PLEKHM2: variants seen among roughly 807,000 people sequenced by gnomAD.
The protein encoded by PLEKHM2 is pleckstrin homology domain-containing family M member 2.
Under a neutral mutation model 116.3 loss-of-function variants are expected in PLEKHM2, and 77 were observed. The observed-to-expected ratio is 0.66, with a 90% CI of 0.55 to 0.80. The LOEUF is 0.80. PLEKHM2 is among the 30% of genes least tolerant of loss of function. The pLI, the probability that PLEKHM2 is intolerant of heterozygous loss-of-function variation, is 0.00. For missense variants in PLEKHM2, 1,183 were observed against 1,354.9 expected, an observed-to-expected ratio of 0.87 and a Z score of 1.99; for synonymous variants, 562 against 571.0, an observed-to-expected ratio of 0.98 and a Z score of 0.22.
rs747497073 is a variant in PLEKHM2, at chr1:15,732,502, C to T, written c.2778C>T (p.Thr926=). ...AKLGDISAVS[T]EPGKEYCVLE... is the part of the protein sequence containing the mutation. ...TGGGCGACATCAGCGCCGTCTCCAC[C>T]GAGCCGGGCAAGGAGTACTGCGTCT... Residue 926 remains threonine (T), a synonymous_variant, in exon 18 of 20, where the codon ACC becomes ACT. Transcript: ENST00000375799. 6.2e-6 allele frequency: 10 copies of T among 1,608,982 alleles called. No homozygotes were observed. Among genetic ancestry groups the T allele is most frequent in the Middle Eastern group, 1.7e-4 (1 of 6,054 alleles).
chr1:15,730,076 G>T (rs548831997), intron 14 of PLEKHM2, 147 bp downstream of exon 14: 11 of 550,338 alleles, frequency 2.0e-5, no homozygotes, highest in South Asian at 2.2e-5. Flanking sequence ...GGGGCGGGGC[G>T]GGGCTTTCCC....
In PLEKHM2 at chr1:15,733,233, TC is replaced by T. The variant is rs146349300; in HGVS notation, c.2922+508del. The stretch of plus-strand genomic sequence containing the variant: ...AGAATCAAAAGGACAAAACCCTGAC[TC>T]CCAGTGAGTCTGAGGCCAAAGCTGA... On this transcript the variant is annotated intron_variant, in intron 19 of 19. Coordinates refer to ENST00000375799, the MANE Select transcript of PLEKHM2 (RefSeq NM_015164.4). Among the ~76,000 whole-genome samples the T allele has an allele frequency of 3.9e-3, 592 of 152,370 alleles. 22 individuals carry two copies. The highest frequency in any genetic ancestry group is 0.033 in the Admixed American group (498 of 15,302).
intron 2 of PLEKHM2, 78 bp from the exon 3 acceptor site, chr1:15,716,629 T>C (rs1344881796): frequency 1.4e-6 from 2 of 1,452,938 alleles, no homozygotes; most frequent in Non-Finnish European, 1.9e-6. Flanking sequence ...TGCCTTGCGC[T>C]CACTGCTGGA....
At position 15,721,058 on chromosome 1, in the gene PLEKHM2, T is replaced by C. The variant is rs530770155; in HGVS notation, c.653-271T>C. The C allele has an allele frequency of 5.8e-5, 24 of 416,004 alleles. No individual in the cohort carries two copies. In the South Asian group the frequency reaches 1.1e-3, roughly 18 times the overall value. 25.8% of individuals were successfully genotyped at this position (416,004 alleles called of 1,614,324 possible). On this transcript the variant is annotated intron_variant, in intron 6 of 19. Coordinates refer to ENST00000375799, the MANE Select transcript of PLEKHM2 (RefSeq NM_015164.4). The surrounding 1 kb of genome is among the most constrained non-coding windows in gnomAD (Gnocchi z 5.1). ...AAAGCTAGGCACAGGCAGCCAGGCTTCTCTCTGCCAGAACCAGCTTCTGGA... is the reference window on the plus strand; with the variant it reads ...AAAGCTAGGCACAGGCAGCCAGGCTCCTCTCTGCCAGAACCAGCTTCTGGA...
At chr1:15,733,316 TGTG>T (rs1315801026) in intron 19 of PLEKHM2, among the ~76,000 whole-genome samples, 1 of 152,242 alleles carries the variant, frequency 6.6e-6, no homozygotes, top group African/African-American at 2.4e-5. Context: ...CAGCACGAAT[TGTG>T]GTGGACCTCC....
chr1:15,708,178 C>T (rs1641262940), intron 1 of PLEKHM2, among the ~76,000 whole-genome samples: 1 of 151,370 alleles, frequency 6.6e-6, no homozygotes, highest in Non-Finnish European at 1.5e-5. Context: ...AGCCACTGCA[C>T]CTGGCCAGTT....
rs757798884 is a variant in PLEKHM2 at position 15,728,394 on chromosome 1, C to T, written c.1921+37C>T. ...CCCCGGGCAGACAGCGGGTTGTAGA[C>T]GAGGCTGACTCTCAGCCCCTTTTCC... On this transcript the variant is annotated intron_variant, in intron 11 of 19. Transcript: ENST00000375799. This position sits in a 1 kb window ranked among gnomAD's most constrained non-coding sequence, Gnocchi z 5.9. 9.6e-6 allele frequency: 15 copies of T among 1,559,362 alleles called. No individual in the cohort carries two copies. In the Middle Eastern group the frequency reaches 5.5e-4, roughly 57 times the overall value.
chr1:15,721,227 A>C lies in PLEKHM2; in HGVS notation c.653-102A>C. 1.3e-6 allele frequency: 1 copy of C among 752,440 alleles called. No homozygotes were observed. The allele number at this position is 752,440 out of a possible 1,614,324, so 46.6% of individuals were successfully genotyped here. On this transcript the variant is annotated intron_variant, in intron 6 of 19. Transcript: ENST00000375799. The surrounding 1 kb of genome is among the most constrained non-coding windows in gnomAD (Gnocchi z 5.1). ...TAGAAAGTTGAAGTTTTCCTCTCCT[A>C]TTTTCTCCCCATGTCTCCCACCCCA...
intron 1 of PLEKHM2, among the ~76,000 whole-genome samples, chr1:15,704,366 C>T (rs1641179728): frequency 6.6e-6 from 1 of 151,774 alleles, no homozygotes; most frequent in Admixed American, 6.6e-5. Context: ...TTCCCTCACC[C>T]CCTCTTCTGA....
At chr1:15,685,093 C>T (rs943466987) in intron 1 of PLEKHM2, among the ~76,000 whole-genome samples, 1 of 152,258 alleles carries the variant, frequency 6.6e-6, no homozygotes, top group Non-Finnish European at 1.5e-5. Context: ...TGCCTCTGCT[C>T]CTGGGAAGTC....
rs4661647 is a variant in PLEKHM2 at position 15,725,089 on chromosome 1, C to T, written c.713-228C>T. Among the ~76,000 whole-genome samples, 138,917 of 152,222 alleles carry T rather than the reference C, an allele frequency of 0.91. 64,693 individuals are homozygous for T. Among genetic ancestry groups the T allele is most frequent in the East Asian group, 1 (5,166 of 5,166 alleles). Reference sequence around the variant, plus strand: ...AACTCAGCCAAATTGTTGTGAGCTCCGGAGGCCCCAGGGGTGGTGGAGATG... The same window carrying T: ...AACTCAGCCAAATTGTTGTGAGCTCTGGAGGCCCCAGGGGTGGTGGAGATG... On this transcript the variant is annotated intron_variant, in intron 7 of 19. Coordinates refer to ENST00000375799, the MANE Select transcript of PLEKHM2 (RefSeq NM_015164.4).
chr1:15,720,158 T>C (rs1472659685), intron 6 of PLEKHM2, among the ~76,000 whole-genome samples: 2 of 148,622 alleles, frequency 1.3e-5, no homozygotes, highest in Non-Finnish European at 3.0e-5. Context: ...ATAAAATATA[T>C]ATTTTTTAAG....
Position 15,684,510 on chromosome 1 carries a change from G to GGGCGGCGGGGC in PLEKHM2, c.-41_-40insGGCGGCGGCGG. The GGGCGGCGGGGC allele has an allele frequency of 3.1e-6, 3 of 976,688 alleles. No individual in the cohort carries two copies. The highest frequency in any genetic ancestry group is 4.6e-5 in the South Asian group (1 of 21,738). 60.5% of individuals were successfully genotyped at this position (976,688 alleles called of 1,614,324 possible). On this transcript the variant is annotated 5_prime_UTR_variant, in exon 1 of 20. Coordinates refer to ENST00000375799, the MANE Select transcript of PLEKHM2 (RefSeq NM_015164.4). ...GCCCCCGGCGCGGGAAGCGGCGGCG[G>GGGCGGCGGGGC]GGCGGCGGCGGCGGTGGCGGTGGCG...
chr1:15,707,999 C>G (rs113575725), intron 1 of PLEKHM2, among the ~76,000 whole-genome samples: 24,378 of 152,018 alleles, frequency 0.16, 3,647 homozygotes, highest in African/African-American at 0.4. Flanking sequence ...ATTCTCCTGC[C>G]TCAGCCTCCC....
intron 4 of PLEKHM2, among the ~76,000 whole-genome samples, chr1:15,718,267 TG>T (rs1172346006): frequency 1.3e-5 from 2 of 152,234 alleles, no homozygotes; most frequent in Non-Finnish European, 2.9e-5. Context: ...CTGGGGTTGC[TG>T]CAGGAACAGA....
At chr1:15,725,272 C>CG (rs1425018380) in intron 7 of PLEKHM2, 45 bp from the exon 8 acceptor site, 5 of 1,448,640 alleles carry the variant, frequency 3.5e-6, no homozygotes, top group Non-Finnish European at 4.7e-6. Context: ...TCGGGGACCC[C>CG]GGGGGGTGCC....
At chr1:15,730,935 A>C (rs1003836065) in intron 15 of PLEKHM2, among the ~76,000 whole-genome samples, 2 of 152,120 alleles carry the variant, frequency 1.3e-5, no homozygotes, top group Admixed American at 6.5e-5. Context: ...GGAATCCCTG[A>C]GTGCCTCAGG....
chr1:15,682,450 C>CAAA (rs58913655), upstream of PLEKHM2, among the ~76,000 whole-genome samples: 256 of 114,228 alleles, frequency 2.2e-3, 2 homozygotes, highest in South Asian at 0.028. Flanking sequence ...GACTCCGCCT[C>CAAA]AAAAAAAAAA....
At chr1:15,691,820 G>A (rs1371151095) in intron 1 of PLEKHM2, among the ~76,000 whole-genome samples, 1 of 152,038 alleles carries the variant, frequency 6.6e-6, no homozygotes, top group Non-Finnish European at 1.5e-5. Context: ...GGGGCGGGGA[G>A]GCGAGGCAGT....
Sources: gnomAD v4.1 joint callset for allele counts (sites outside exome capture counted in the v4.1 genomes callset) on GRCh38, gnomAD v4.1.1 for gene constraint, Gnocchi (gnomAD v3.1) non-coding constraint, MANE v1.5 for transcripts, NCBI Gene and HGNC (gene_info 2026-07-23, HGNC 2026-07-21) for gene names.